The following SLC1A2 variants were observed in gnomAD, a reference collection of about 807,000 sequenced individuals.
SLC1A2 encodes the protein solute carrier family 1 member 2, also known as excitatory amino acid transporter 2.
A neutral mutation model predicts 48.8 loss-of-function variants in SLC1A2; 15 were observed. The observed-to-expected ratio is 0.31, with a 90% CI of 0.21 to 0.47. The LOEUF (loss-of-function observed/expected upper bound fraction) is 0.47, where lower values mean the gene tolerates loss of function less well. Ranked by LOEUF, SLC1A2 falls within the 20% of genes least tolerant of loss-of-function variation. The pLI is 0.99. For missense variants in SLC1A2, 502 were observed against 730.5 expected, an observed-to-expected ratio of 0.69 and a Z score of 3.61; for synonymous variants, 279 against 272.6, an observed-to-expected ratio of 1.02 and a Z score of -0.23.
Position 35,321,448 on chromosome 11 carries a change from G to A in SLC1A2, c.18-3932C>T, listed in dbSNP as rs59766678. 5.5e-3 allele frequency among the ~76,000 whole-genome samples: 840 copies of A among 152,176 alleles called. 10 individuals carry two copies. Among genetic ancestry groups the A allele is most frequent in the African/African-American group, 0.019 (808 of 41,530 alleles). On this transcript the variant is annotated intron_variant, in intron 1 of 10. Coordinates refer to ENST00000278379, the MANE Select transcript of SLC1A2 (RefSeq NM_004171.4). ...TTTCTTCAAGTATTTTATGCAATTTGTCTAGAGCTTAGCAAATAAATGGAA... is the reference window on the plus strand; with the variant it reads ...TTTCTTCAAGTATTTTATGCAATTTATCTAGAGCTTAGCAAATAAATGGAA...
chr11:35,272,760 G>A (rs1369040137), intron 9 of SLC1A2, among the ~76,000 whole-genome samples: 1 of 152,186 alleles, frequency 6.6e-6, no homozygotes, highest in Non-Finnish European at 1.5e-5. Context: ...TGTGTGTCAG[G>A]ACTGCAAGAA....
intron 1 of SLC1A2, among the ~76,000 whole-genome samples, chr11:35,333,300 C>T (rs894720238): frequency 4.0e-5 from 6 of 151,782 alleles, no homozygotes; most frequent in Non-Finnish European, 8.8e-5. Context: ...GCCTGTAATC[C>T]CAGCTACTGG....
At chr11:35,413,137 G>T (rs1855515751) in intron 1 of SLC1A2, among the ~76,000 whole-genome samples, 1 of 152,198 alleles carries the variant, frequency 6.6e-6, no homozygotes, top group African/African-American at 2.4e-5. Flanking sequence ...AAGGTAAGGG[G>T]TCAGGCAGGT....
At chr11:35,368,686 G>A (rs1853943876) in intron 1 of SLC1A2, among the ~76,000 whole-genome samples, 2 of 152,268 alleles carry the variant, frequency 1.3e-5, no homozygotes, top group South Asian at 4.1e-4. Context: ...ATTTTTCCTA[G>A]CTCTGCAGGC....
At chr11:35,281,057 A>C (rs1423763735) in intron 8 of SLC1A2, 56 bp from the exon 9 acceptor site, 3 of 1,477,222 alleles carry the variant, frequency 2.0e-6, no homozygotes, top group African/African-American at 1.4e-5. Context: ...AGCAAAACCA[A>C]CCCTGGCAAT....
intron 2 of SLC1A2, chr11:35,316,484 G>A (rs1045342281): frequency 1.1e-4 from 17 of 152,198 alleles, no homozygotes; most frequent in African/African-American, 3.9e-4. Context: ...CATGCCTGTG[G>A]TTTCTTATTA....
intron 1 of SLC1A2, among the ~76,000 whole-genome samples, chr11:35,344,383 A>G (rs1254495780): frequency 6.6e-6 from 1 of 152,188 alleles, no homozygotes; most frequent in Non-Finnish European, 1.5e-5. Flanking sequence ...AAGTATTCTG[A>G]GAAGGAACAG....
chr11:35,405,362 C>A (rs969426021), intron 1 of SLC1A2, among the ~76,000 whole-genome samples: 2 of 151,542 alleles, frequency 1.3e-5, no homozygotes, highest in Non-Finnish European at 2.9e-5. Context: ...AATTTAACAA[C>A]AACGTTGTCT....
chr11:35,412,596 C>T (rs534409770), intron 1 of SLC1A2, among the ~76,000 whole-genome samples: 62 of 152,272 alleles, frequency 4.1e-4, no homozygotes, highest in Middle Eastern at 6.8e-3. Flanking sequence ...AAAAGGCATC[C>T]TTAGCTCATC....
intron 1 of SLC1A2, among the ~76,000 whole-genome samples, chr11:35,326,887 C>T (rs1206330527): frequency 1.3e-5 from 2 of 152,178 alleles, no homozygotes; most frequent in Admixed American, 6.5e-5. Flanking sequence ...GAAAAAGCAA[C>T]CCATTCACTG....
At chr11:35,346,651 A>G (rs1445339914) in intron 1 of SLC1A2, among the ~76,000 whole-genome samples, 1 of 152,272 alleles carries the variant, frequency 6.6e-6, no homozygotes, top group Non-Finnish European at 1.5e-5. Context: ...GAGGCAGTCA[A>G]TAACTGTTTG....
chr11:35,348,103 C>T (rs957952290), intron 1 of SLC1A2, among the ~76,000 whole-genome samples: 2 of 152,220 alleles, frequency 1.3e-5, no homozygotes, highest in Non-Finnish European at 2.9e-5. Context: ...CAGACACTAT[C>T]CCCTCATTGC....
At chr11:35,303,596 A>G (rs1472205500) in intron 5 of SLC1A2, among the ~76,000 whole-genome samples, 1 of 152,224 alleles carries the variant, frequency 6.6e-6, no homozygotes, top group Non-Finnish European at 1.5e-5. Flanking sequence ...AGCTCATATT[A>G]CTTGGTTAAT....
At chr11:35,392,555 T>G (rs1158564534) in intron 1 of SLC1A2, among the ~76,000 whole-genome samples, 2 of 152,250 alleles carry the variant, frequency 1.3e-5, no homozygotes, top group Non-Finnish European at 1.5e-5. Context: ...ACTGAGTTTC[T>G]TATTCATACT....
chr11:35,268,502 C>T (rs562563461), intron 9 of SLC1A2, among the ~76,000 whole-genome samples: 1 of 151,818 alleles, frequency 6.6e-6, no homozygotes, highest in Non-Finnish European at 1.5e-5. Flanking sequence ...CAATACAGTA[C>T]TAAAAATACA....
intron 1 of SLC1A2, among the ~76,000 whole-genome samples, chr11:35,330,940 T>G (rs114042726): frequency 0.01 from 1,578 of 152,354 alleles, 14 homozygotes; most frequent in African/African-American, 0.036. Flanking sequence ...TTAAGCCTCT[T>G]GATTTGTGAT....
At chr11:35,355,889 CAA>C (rs34058137) in intron 1 of SLC1A2, among the ~76,000 whole-genome samples, 39,964 of 116,602 alleles carry the variant, frequency 0.34, 5,568 homozygotes, top group Middle Eastern at 0.49. Context: ...CATCTCATCT[CAA>C]AAAAAAAAAA....
Position 35,410,199 on chromosome 11 carries a change from G to C in SLC1A2, c.17+8751C>G, listed in dbSNP as rs946908543. ...TTTGTGGTATACAACATGATGCTTTGATATACACATACACTGTGGAATAAA... is the reference window on the plus strand; with the variant it reads ...TTTGTGGTATACAACATGATGCTTTCATATACACATACACTGTGGAATAAA... On this transcript the variant is annotated intron_variant, in intron 1 of 10. Coordinates refer to ENST00000278379, the MANE Select transcript of SLC1A2 (RefSeq NM_004171.4). Among the ~76,000 whole-genome samples, 6 of 152,078 alleles carry C rather than the reference G, an allele frequency of 3.9e-5. No homozygotes were observed. The South Asian group carries it at 6.2e-4, about 16-fold the overall frequency.
chr11:35,363,468 C>T (rs530219317), intron 1 of SLC1A2, among the ~76,000 whole-genome samples: 3 of 152,156 alleles, frequency 2.0e-5, no homozygotes, highest in Admixed American at 6.5e-5. Flanking sequence ...GGGTTTCAAA[C>T]CTCATTTGGG....
Sources: allele counts gnomAD v4.1 joint callset (sites outside exome capture counted in the v4.1 genomes callset), GRCh38; gene constraint gnomAD v4.1.1; transcripts MANE v1.5; gene names NCBI Gene and HGNC (gene_info 2026-07-23, HGNC 2026-07-21).